The following KANK1 variants were observed in gnomAD, a reference collection of about 807,000 sequenced individuals.
KANK1 encodes the protein KN motif and ankyrin repeat domain-containing protein 1.
KANK1 carries 109 observed loss-of-function variants against 106.2 expected under a neutral mutation model. That is an observed-to-expected ratio of 1.03 (90% CI 0.88 to 1.20). The LOEUF is 1.20. Among genes scored for constraint, KANK1 ranks in the 50% most tolerant of loss-of-function variants. The probability of loss-of-function intolerance (pLI) is 0.00; values close to 1 mark genes in which losing one functional copy is unlikely to be tolerated. For synonymous variants in KANK1, 873 were observed against 652.2 expected, an observed-to-expected ratio of 1.34 and a Z score of -5.16; for missense variants, 2,399 against 1,710.7, an observed-to-expected ratio of 1.40 and a Z score of -7.10.
At chr9:642,565 T>G (rs1838714058) in intron 1 of KANK1, among the ~76,000 whole-genome samples, 1 of 150,920 alleles carries the variant, frequency 6.6e-6, no homozygotes, top group African/African-American at 2.5e-5. Flanking sequence ...TTGGACACAC[T>G]CAGCTACTAG....
chr9:619,600 G>A (rs1832663201), intron 1 of KANK1, among the ~76,000 whole-genome samples: 1 of 152,104 alleles, frequency 6.6e-6, no homozygotes, highest in South Asian at 2.1e-4. Flanking sequence ...TCTAGTGAGT[G>A]ATAAAGATAA....
intron 1 of KANK1, among the ~76,000 whole-genome samples, chr9:524,370 T>C (rs1020485068): frequency 9.0e-6 from 1 of 111,280 alleles, no homozygotes; most frequent in Non-Finnish European, 1.7e-5. Context: ...TTTTGGAGTG[T>C]ATGTGTATAA....
At chr9:717,160 C>T (rs1300692964) in intron 3 of KANK1, among the ~76,000 whole-genome samples, 1 of 151,868 alleles carries the variant, frequency 6.6e-6, no homozygotes, top group Non-Finnish European at 1.5e-5. Context: ...TGGCAGATGC[C>T]CGTAGTCCCA....
At chr9:742,642 T>TCATGAAATGAAAAAGTAAAAG in intron 10 of KANK1, among the ~76,000 whole-genome samples, 1 of 152,076 alleles carries the variant, frequency 6.6e-6, no homozygotes, top group East Asian at 1.9e-4. Context: ...ACCCCAAAAA[T>TCATGAAATGAAAAAGTAAAAG]TCATGAAATG....
At chr9:682,653 C>T (rs905848992) in intron 2 of KANK1, among the ~76,000 whole-genome samples, 10 of 152,174 alleles carry the variant, frequency 6.6e-5, no homozygotes, top group African/African-American at 2.4e-4. Flanking sequence ...CTTCCCTGGT[C>T]ATTTTTCTCC....
At chr9:495,649 G>A (rs995459230) in intron 3 of KANK1, 1 of 152,116 alleles carries the variant, frequency 6.6e-6, no homozygotes, top group Non-Finnish European at 1.5e-5. Flanking sequence ...AGTGTATTTG[G>A]CTTCAGCTGT....
At chr9:539,807 T>C (rs2060492659) in intron 1 of KANK1, among the ~76,000 whole-genome samples, 1 of 152,238 alleles carries the variant, frequency 6.6e-6, no homozygotes, top group South Asian at 2.1e-4. Context: ...TTGATGCTAT[T>C]GTAAATGAAA....
intron 1 of KANK1, among the ~76,000 whole-genome samples, chr9:612,921 T>C (rs1162418400): frequency 6.6e-6 from 1 of 152,218 alleles, no homozygotes; most frequent in South Asian, 2.1e-4. Context: ...CATATGCCTA[T>C]GGTTACATGC....
chr9:515,727 G>A (rs868741096), intron 1 of KANK1, among the ~76,000 whole-genome samples: 2 of 151,770 alleles, frequency 1.3e-5, no homozygotes, highest in East Asian at 3.8e-4. Flanking sequence ...GAAAACTTGA[G>A]ATCCTGATGC....
exon 2 of KANK1, chr9:470,610 A>T (rs889784501): frequency 1.3e-5 from 2 of 152,266 alleles, no homozygotes; most frequent in Non-Finnish European, 2.9e-5. Context: ...GAGGGAAGCA[A>T]CCCATCCCCT....
At chr9:706,300 A>T (rs2130667778) in intron 2 of KANK1, among the ~76,000 whole-genome samples, 1 of 152,348 alleles carries the variant, frequency 6.6e-6, no homozygotes, top group South Asian at 2.1e-4. Context: ...ATTTGGGGGT[A>T]ATACAACGTG....
intron 1 of KANK1, chr9:540,605 T>A (rs1464292260): frequency 6.6e-6 from 1 of 152,226 alleles, no homozygotes; most frequent in Non-Finnish European, 1.5e-5. Context: ...AATTCTTCTC[T>A]TTAAATATTT....
At chr9:541,434 A>C (rs998176014) in intron 1 of KANK1, among the ~76,000 whole-genome samples, 1 of 152,150 alleles carries the variant, frequency 6.6e-6, no homozygotes, top group East Asian at 1.9e-4. Flanking sequence ...AAATGGACTA[A>C]AGATTGGGGG....
At position 522,908 on chromosome 9, in the gene KANK1, G is replaced by C. The variant is rs545125115; in HGVS notation, c.-84+18154G>C. Among the ~76,000 whole-genome samples, 5 of 151,744 alleles carry C rather than the reference G, an allele frequency of 3.3e-5. No individual in the cohort carries two copies. In the Middle Eastern group the frequency reaches 0.01, roughly 310 times the overall value. ...CCAAAAGCTAAATGCCTGCACTGCT[G>C]AGCTGTGGTTTCCCATGAAAATGCC... On this transcript the variant is annotated intron_variant, in intron 1 of 11. Transcript: ENST00000382297.
At chr9:551,784 A>C (rs1179173895) in intron 1 of KANK1, among the ~76,000 whole-genome samples, 3 of 151,994 alleles carry the variant, frequency 2.0e-5, no homozygotes. Context: ...GCAGTGTCTC[A>C]CACCTGTAAT....
intron 2 of KANK1, chr9:686,854 G>T: frequency 3.0e-6 from 3 of 985,234 alleles, no homozygotes; most frequent in Non-Finnish European, 3.6e-6. Context: ...AACAGCAGCT[G>T]GAATTCACAA....
chr9:663,531 A>C (rs1843849898), intron 1 of KANK1, among the ~76,000 whole-genome samples: 1 of 152,216 alleles, frequency 6.6e-6, no homozygotes, highest in Non-Finnish European at 1.5e-5. Context: ...GAAAAAGAGA[A>C]AGTTTAATCA....
At position 731,254 on chromosome 9, in the gene KANK1, G is replaced by A. The variant is rs758086027; in HGVS notation, c.2993G>A (p.Gly998Asp). ...GCAAAAAAGAATCTTCAGTTTGTTG[G>A]CATTAATGGAGGGTAAGGAAAGATG... is the stretch of plus-strand genomic sequence containing the variant. Reference protein sequence around the residue: ...NGAKKNLQFVGINGGYETTSS... With the variant: ...NGAKKNLQFVDINGGYETTSS... Residue 998 changes from glycine to aspartate, a missense_variant, in exon 5 of 12, where the codon GGC (glycine) becomes GAC (aspartate). Transcript: ENST00000382297. The A allele has an allele frequency of 2.5e-6, 4 of 1,595,320 alleles. No individual in the cohort carries two copies. Among genetic ancestry groups the A allele is most frequent in the Admixed American group, 1.7e-5 (1 of 59,880 alleles).
intron 3 of KANK1, chr9:489,039 T>G (rs941646574): frequency 1.3e-5 from 2 of 152,142 alleles, no homozygotes; most frequent in African/African-American, 4.8e-5. Context: ...ATCCATTGTT[T>G]CTTAACTAGG....
Sources: allele counts gnomAD v4.1 joint callset (sites outside exome capture counted in the v4.1 genomes callset), GRCh38; gene constraint gnomAD v4.1.1; transcripts MANE v1.5; gene names NCBI Gene and HGNC (gene_info 2026-07-23, HGNC 2026-07-21).